Variants in PTPRG observed in about 807,000 individuals in gnomAD.
PTPRG encodes receptor-type tyrosine-protein phosphatase gamma.
In PTPRG, 102 loss-of-function variants were observed where a neutral mutation model predicts 165.3. The observed-to-expected ratio is 0.62, with a 90% CI of 0.53 to 0.73. The LOEUF (loss-of-function observed/expected upper bound fraction) is 0.73, where lower values mean the gene tolerates loss of function less well. PTPRG is among the 30% of genes least tolerant of loss of function. The pLI, the probability that PTPRG is intolerant of heterozygous loss-of-function variation, is 0.00. For missense variants in PTPRG, 1,866 were observed against 1,861.4 expected, an observed-to-expected ratio of 1.00 and a Z score of -0.05; for synonymous variants, 675 against 669.5, an observed-to-expected ratio of 1.01 and a Z score of -0.13.
chr3:61,718,875 T>C (rs1210024831), intron 1 of PTPRG, among the ~76,000 whole-genome samples: 1 of 152,212 alleles, frequency 6.6e-6, no homozygotes, highest in Non-Finnish European at 1.5e-5. Context: ...AGTCATTGAA[T>C]TGCCACACAC....
At chr3:61,569,515 C>G (rs1700005392) in intron 1 of PTPRG, among the ~76,000 whole-genome samples, 1 of 152,082 alleles carries the variant, frequency 6.6e-6, no homozygotes, top group Non-Finnish European at 1.5e-5. Flanking sequence ...CCGGGTCTCT[C>G]CCTGTGTTGC....
chr3:61,724,825 A>C (rs2032191788), intron 1 of PTPRG, among the ~76,000 whole-genome samples: 1 of 149,948 alleles, frequency 6.7e-6, no homozygotes, highest in South Asian at 2.1e-4. Context: ...ATTTCTTTTT[A>C]CTGTTGAGTT....
chr3:61,842,185 C>A (rs1012380501), intron 2 of PTPRG, among the ~76,000 whole-genome samples: 2 of 152,220 alleles, frequency 1.3e-5, no homozygotes, highest in Admixed American at 1.3e-4. Context: ...TAGTTCAGAA[C>A]AGCCAAGGTT....
chr3:61,887,149 TATATATATATATATATA>T (rs2038067491), intron 2 of PTPRG, among the ~76,000 whole-genome samples: 8 of 58,016 alleles, frequency 1.4e-4, no homozygotes, highest in African/African-American at 2.6e-4. Flanking sequence ...TATATATATA[TATATATATATATATATA>T]TATATTTTTA....
intron 2 of PTPRG, among the ~76,000 whole-genome samples, chr3:61,836,929 G>A (rs1162000138): frequency 7.0e-6 from 1 of 142,958 alleles, no homozygotes; most frequent in Non-Finnish European, 1.5e-5. Flanking sequence ...TTTTTCTTTT[G>A]AGATGGAGTC....
chr3:61,705,900 G>T (rs1370364206), intron 1 of PTPRG, among the ~76,000 whole-genome samples: 1 of 152,160 alleles, frequency 6.6e-6, no homozygotes, highest in African/African-American at 2.4e-5. Flanking sequence ...AGTGGCTGAA[G>T]ATTGTAGCAA....
At chr3:61,696,730 A>G (rs1319639191) in intron 1 of PTPRG, among the ~76,000 whole-genome samples, 1 of 152,168 alleles carries the variant, frequency 6.6e-6, no homozygotes, top group Non-Finnish European at 1.5e-5. Context: ...GCTTTTTTCA[A>G]TGGAGAAATC....
intron 2 of PTPRG, among the ~76,000 whole-genome samples, chr3:61,887,422 GAT>G (rs997749728): frequency 6.6e-6 from 1 of 152,016 alleles, no homozygotes; most frequent in African/African-American, 2.4e-5. Context: ...CTCACTTAGA[GAT>G]TTCCCAGTGT....
intron 1 of PTPRG, among the ~76,000 whole-genome samples, chr3:61,709,685 C>G (rs1410560727): frequency 6.6e-6 from 1 of 152,154 alleles, no homozygotes; most frequent in Non-Finnish European, 1.5e-5. Flanking sequence ...GCCTAAGATA[C>G]TTACTATCTA....
intron 1 of PTPRG, among the ~76,000 whole-genome samples, chr3:61,722,514 T>TA (rs1460920179): frequency 2.0e-5 from 3 of 152,192 alleles, no homozygotes; most frequent in Admixed American, 6.5e-5. Context: ...GGGGATCAGA[T>TA]ACAGGATGGG....
chr3:61,960,715 A>G (rs2040131978), intron 2 of PTPRG, among the ~76,000 whole-genome samples: 1 of 152,108 alleles, frequency 6.6e-6, no homozygotes, highest in African/African-American at 2.4e-5. Context: ...GGATCAGAAG[A>G]CAAGATGGTT....
intron 1 of PTPRG, among the ~76,000 whole-genome samples, chr3:61,654,175 T>TG (rs1384395409): frequency 3.3e-5 from 5 of 152,186 alleles, no homozygotes; most frequent in Non-Finnish European, 5.9e-5. Flanking sequence ...GAGTCTGGGA[T>TG]GTGGGAGTCA....
intron 1 of PTPRG, among the ~76,000 whole-genome samples, chr3:61,637,760 C>T (rs1259717711): frequency 6.6e-6 from 1 of 152,154 alleles, no homozygotes; most frequent in Non-Finnish European, 1.5e-5. Context: ...GTTGGCCATG[C>T]ACCAGAAACA....
chr3:61,752,678 C>A (rs554755600), intron 2 of PTPRG, among the ~76,000 whole-genome samples: 1 of 146,760 alleles, frequency 6.8e-6, no homozygotes, highest in African/African-American at 2.5e-5. Context: ...CCCAGCTACT[C>A]GGGAGGCTGA....
chr3:61,681,054 T>TAAAAAAAAAAAAAAAAAA (rs61198100), intron 1 of PTPRG, among the ~76,000 whole-genome samples: 9 of 66,094 alleles, frequency 1.4e-4, no homozygotes, highest in African/African-American at 4.9e-4. Context: ...CTTTATGTTC[T>TAAAAAAAAAAAAAAAAAA]AAAAAAAAAA....
At chr3:62,087,088 C>T (rs1186975220) in intron 5 of PTPRG, among the ~76,000 whole-genome samples, 1 of 152,128 alleles carries the variant, frequency 6.6e-6, no homozygotes, top group African/African-American at 2.4e-5. Context: ...ATTGTTTTGG[C>T]CATTAGTTTT....
intron 14 of PTPRG, among the ~76,000 whole-genome samples, chr3:62,239,684 A>G (rs116109149): frequency 2.6e-5 from 4 of 152,106 alleles, no homozygotes; most frequent in African/African-American, 9.6e-5. Context: ...TTCTATCTCC[A>G]TTCCCCTGCG....
intron 1 of PTPRG, among the ~76,000 whole-genome samples, chr3:61,702,644 A>G (rs2031032887): frequency 6.6e-6 from 1 of 152,160 alleles, no homozygotes; most frequent in Admixed American, 6.5e-5. Context: ...AAGATGGAAT[A>G]CTTTCTAGCA....
intron 20 of PTPRG, among the ~76,000 whole-genome samples, 169 bp downstream of exon 20, chr3:62,269,338 T>C (rs1408540840): frequency 1.3e-5 from 2 of 152,174 alleles, no homozygotes; most frequent in African/African-American, 4.8e-5. Flanking sequence ...GTGAAAGGTA[T>C]TGGCAAAGCA....
Sources: gnomAD v4.1 joint callset for allele counts (sites outside exome capture counted in the v4.1 genomes callset) on GRCh38, gnomAD v4.1.1 for gene constraint, MANE v1.5 for transcripts, NCBI Gene and HGNC (gene_info 2026-07-23, HGNC 2026-07-21) for gene names.